Variants in OPCML observed in about 807,000 individuals in gnomAD.
OPCML encodes the protein opioid binding protein/cell adhesion molecule like.
In OPCML, 13 loss-of-function variants were observed where a neutral mutation model predicts 37.8. The observed-to-expected ratio is 0.34, with a 90% CI of 0.22 to 0.55. The LOEUF (loss-of-function observed/expected upper bound fraction) is 0.55, where lower values mean the gene tolerates loss of function less well. Among genes scored for constraint, OPCML ranks in the 20% least tolerant of loss-of-function variants. The pLI, the probability that OPCML is intolerant of heterozygous loss-of-function variation, is 0.91. For synonymous variants in OPCML, 176 were observed against 168.8 expected (o/e 1.04, Z -0.33); for missense variants, 341 against 435.6 (o/e 0.78, Z 1.93).
At chr11:132,967,050 A>C (rs1340714762) in intron 1 of OPCML, among the ~76,000 whole-genome samples, 4 of 151,926 alleles carry the variant, frequency 2.6e-5, no homozygotes, top group African/African-American at 4.8e-5. Context: ...ACTTAGATTT[A>C]CTTTTTTGTT....
chr11:132,889,534 G>A (rs1943562350), intron 2 of OPCML, among the ~76,000 whole-genome samples: 1 of 152,210 alleles, frequency 6.6e-6, no homozygotes, highest in Non-Finnish European at 1.5e-5. Flanking sequence ...AAAGGTCCAA[G>A]TGATTGATAA....
chr11:132,622,467 A>G (rs935663114), intron 3 of OPCML, among the ~76,000 whole-genome samples: 2 of 152,340 alleles, frequency 1.3e-5, no homozygotes, highest in South Asian at 2.1e-4. Flanking sequence ...GAAGAGGTGA[A>G]ATGGCAGAGA....
chr11:132,889,042 C>T (rs1306797574), intron 2 of OPCML, among the ~76,000 whole-genome samples: 38 of 152,048 alleles, frequency 2.5e-4, no homozygotes. Context: ...GGACTTATGT[C>T]CAGGTACAGT....
Position 132,416,526 on chromosome 11 carries a change from T to C in OPCML, c.*3667A>G, listed in dbSNP as rs373912813. 6.6e-6 allele frequency: 1 copy of C among 152,196 alleles called. No individual in the cohort carries two copies. Among genetic ancestry groups the C allele is most frequent in the Non-Finnish European group, 1.5e-5 (1 of 68,040 alleles). 9.4% of individuals were successfully genotyped at this position (152,196 alleles called of 1,614,324 possible). ...CTTTGTTGAAGGCAAATTGACTGAA[T>C]TGATGCAGAAAAAGATTCTGAAACC... On this transcript the variant is annotated 3_prime_UTR_variant, in exon 8 of 8. Transcript: ENST00000524381.
intron 1 of OPCML, among the ~76,000 whole-genome samples, chr11:133,277,022 G>T (rs550420586): frequency 6.6e-6 from 1 of 152,070 alleles, no homozygotes; most frequent in African/African-American, 2.4e-5. Flanking sequence ...ACTCTTTTAC[G>T]TTAGCCACAA....
At chr11:132,811,297 C>G (rs1270810789) in intron 2 of OPCML, among the ~76,000 whole-genome samples, 3 of 152,324 alleles carry the variant, frequency 2.0e-5, no homozygotes, top group Admixed American at 6.5e-5. Context: ...CCTCTTACTT[C>G]TCTTCTCAGC....
intron 2 of OPCML, among the ~76,000 whole-genome samples, chr11:132,837,988 T>C (rs1941115331): frequency 6.6e-6 from 1 of 152,240 alleles, no homozygotes; most frequent in Admixed American, 6.5e-5. Flanking sequence ...TTATAGGATT[T>C]ATGTAACCTT....
chr11:132,907,571 C>A (rs1468615014), intron 2 of OPCML, among the ~76,000 whole-genome samples: 1 of 150,170 alleles, frequency 6.7e-6, no homozygotes, highest in Non-Finnish European at 1.5e-5. Flanking sequence ...ATGGAGGTCG[C>A]AGTGAGCCGA....
chr11:132,705,716 C>T (rs930188705), intron 2 of OPCML, among the ~76,000 whole-genome samples: 3 of 152,326 alleles, frequency 2.0e-5, no homozygotes, highest in Non-Finnish European at 4.4e-5. Context: ...TCCAGAGGCA[C>T]CCCTAGAAGC....
At chr11:133,361,281 A>G (rs987504401) in intron 1 of OPCML, 2 of 152,260 alleles carry the variant, frequency 1.3e-5, no homozygotes, top group African/African-American at 4.8e-5. Context: ...TCCCGCGTGG[A>G]GGGGGTTTCC....
chr11:132,570,060 T>C (rs897723255), intron 3 of OPCML, among the ~76,000 whole-genome samples: 2 of 152,152 alleles, frequency 1.3e-5, no homozygotes, highest in African/African-American at 4.8e-5. Context: ...AAATTTATTA[T>C]AATCATAAAC....
chr11:132,535,628 A>C (rs1371418024), intron 3 of OPCML, among the ~76,000 whole-genome samples: 4 of 152,204 alleles, frequency 2.6e-5, no homozygotes, highest in Non-Finnish European at 5.9e-5. Context: ...TGTGCCCATA[A>C]GACAGGATGC....
chr11:133,017,415 T>TG (rs1239993369), intron 1 of OPCML, among the ~76,000 whole-genome samples: 2 of 151,972 alleles, frequency 1.3e-5, no homozygotes, highest in Non-Finnish European at 2.9e-5. Context: ...TTTTTTTTTT[T>TG]GAGATGAAGT....
At chr11:132,888,164 G>A (rs1418900075) in intron 2 of OPCML, among the ~76,000 whole-genome samples, 1 of 152,150 alleles carries the variant, frequency 6.6e-6, no homozygotes, top group Non-Finnish European at 1.5e-5. Flanking sequence ...GATGTAGACA[G>A]CCTGGTTTGA....
rs1271040683 is a variant in OPCML, at chr11:132,570,804, T to TGAGAGAGAGAGAGAGAG, written c.380-41619_380-41618insCTCTCTCTCTCTCTCTC. On this transcript the variant is annotated intron_variant, in intron 3 of 7. Coordinates refer to ENST00000524381, the MANE Select transcript of OPCML (RefSeq NM_001012393.5). ...ATATATATATATATATATATATATT[T>TGAGAGAGAGAGAGAGAG]AGAGAGAGAGAGAGAGGATATATAC... Among the ~76,000 whole-genome samples the TGAGAGAGAGAGAGAGAG allele has an allele frequency of 3.1e-3, 278 of 90,746 alleles. 6 individuals are homozygous for TGAGAGAGAGAGAGAGAG. Among genetic ancestry groups the TGAGAGAGAGAGAGAGAG allele is most frequent in the Middle Eastern group, 0.017 (3 of 176 alleles). 59.5% of individuals were successfully genotyped at this position (90,746 alleles called of 152,430 possible). A position where few individuals can be genotyped will look rare whatever the true frequency, so the allele number is the denominator to read the frequency against.
intron 1 of OPCML, among the ~76,000 whole-genome samples, chr11:132,990,816 T>G (rs1017438431): frequency 6.6e-6 from 1 of 152,106 alleles, no homozygotes; most frequent in African/African-American, 2.4e-5. Context: ...TAAAATAGAG[T>G]TCATAATGGT....
intron 4 of OPCML, among the ~76,000 whole-genome samples, chr11:132,450,663 C>A (rs943456412): frequency 3.3e-5 from 5 of 152,032 alleles, no homozygotes; most frequent in Middle Eastern, 3.4e-3. Flanking sequence ...ATATTTATTG[C>A]TTTCTGCACA....
At chr11:132,484,289 T>G (rs1184776539) in intron 4 of OPCML, among the ~76,000 whole-genome samples, 8 of 152,176 alleles carry the variant, frequency 5.3e-5, no homozygotes, top group Non-Finnish European at 8.8e-5. Flanking sequence ...AAAGAAGACA[T>G]TTATGCAGCC....
chr11:132,444,966 A>C (rs560782032), intron 4 of OPCML, among the ~76,000 whole-genome samples: 1 of 152,282 alleles, frequency 6.6e-6, no homozygotes, highest in African/African-American at 2.4e-5. Flanking sequence ...TGCTAAAGTC[A>C]TTTTGGTTTG....
Sources: allele counts gnomAD v4.1 joint callset (sites outside exome capture counted in the v4.1 genomes callset), GRCh38; gene constraint gnomAD v4.1.1; transcripts MANE v1.5; gene names NCBI Gene and HGNC (gene_info 2026-07-23, HGNC 2026-07-21).